The following NCAM2 variants were observed in gnomAD, a reference collection of about 807,000 sequenced individuals.
NCAM2 encodes neural cell adhesion molecule 2, also known as N-CAM-2.
Under a neutral mutation model 98.1 loss-of-function variants are expected in NCAM2, and 30 were observed. The ratio of observed to expected loss-of-function variants is 0.31; its 90% CI spans 0.23 to 0.41. The LOEUF is 0.41. Ranked by LOEUF, NCAM2 falls within the 10% of genes least tolerant of loss-of-function variation. The pLI, the probability that NCAM2 is intolerant of heterozygous loss-of-function variation, is 1.00. For missense variants in NCAM2, 867 were observed against 1,005.8 expected (o/e 0.86, Z 1.87); for synonymous variants, 368 against 342.4 (o/e 1.07, Z -0.83).
intron 5 of NCAM2, among the ~76,000 whole-genome samples, chr21:21,305,607 T>A (rs201581035): frequency 1.9e-4 from 28 of 148,258 alleles, no homozygotes; most frequent in Non-Finnish European, 2.8e-4. Flanking sequence ...GAGTTTTTTT[T>A]ATCAATAATG....
At chr21:21,023,305 C>T (rs1391820026) in intron 1 of NCAM2, among the ~76,000 whole-genome samples, 1 of 152,090 alleles carries the variant, frequency 6.6e-6, no homozygotes, top group African/African-American at 2.4e-5. Flanking sequence ...GGACAGATCA[C>T]TTGAGGTCAG....
At chr21:21,174,367 A>G (rs1569108596) in intron 1 of NCAM2, among the ~76,000 whole-genome samples, 1 of 152,214 alleles carries the variant, frequency 6.6e-6, no homozygotes, top group Admixed American at 6.5e-5. Flanking sequence ...TTCTTTGAAC[A>G]GTATAAGTGT....
chr21:21,267,642 G>A (rs1350055534), intron 1 of NCAM2, among the ~76,000 whole-genome samples: 1 of 152,066 alleles, frequency 6.6e-6, no homozygotes, highest in East Asian at 1.9e-4. Flanking sequence ...CAAATATGGA[G>A]CAATTTTCTT....
chr21:21,487,197 T>C (rs1201816512), intron 15 of NCAM2, among the ~76,000 whole-genome samples: 1 of 152,160 alleles, frequency 6.6e-6, no homozygotes, highest in Non-Finnish European at 1.5e-5. Flanking sequence ...TCTTTTATAT[T>C]ATCTGAACAA....
At chr21:21,099,235 A>T (rs1467401920) in intron 1 of NCAM2, among the ~76,000 whole-genome samples, 2 of 151,920 alleles carry the variant, frequency 1.3e-5, no homozygotes, top group East Asian at 3.9e-4. Flanking sequence ...AATGGTACTG[A>T]GGTTTATACA....
At position 21,370,592 on chromosome 21, in the gene NCAM2, TATTACATAGCTGCG is replaced by T. The variant is rs745975214; in HGVS notation, c.1045-3270_1045-3257del. On this transcript the variant is annotated intron_variant, in intron 8 of 17. Transcript: ENST00000400546. The stretch of plus-strand genomic sequence containing the variant: ...TAGCCCCAGAACCCAGCAAAGTGTC[TATTACATAGCTGCG>T]GTACATACATAGTTCAAACTCATAG... Among the ~76,000 whole-genome samples the T allele has an allele frequency of 4.9e-3, 720 of 146,722 alleles. 8 individuals are homozygous for T. Among genetic ancestry groups the T allele is most frequent in the African/African-American group, 0.016 (675 of 41,158 alleles).
At chr21:21,536,453 G>A (rs1358312626) in intron 17 of NCAM2, among the ~76,000 whole-genome samples, 2 of 149,496 alleles carry the variant, frequency 1.3e-5, no homozygotes, top group South Asian at 2.1e-4. Context: ...GTGCAATGGC[G>A]CAATCTCAGC....
At chr21:21,187,744 T>C (rs921389809) in intron 1 of NCAM2, among the ~76,000 whole-genome samples, 3 of 152,176 alleles carry the variant, frequency 2.0e-5, no homozygotes, top group African/African-American at 7.2e-5. Context: ...GTTTGTATAA[T>C]TGTTATGCCT....
At chr21:21,016,161 C>A (rs1480676158) in intron 1 of NCAM2, among the ~76,000 whole-genome samples, 2 of 152,138 alleles carry the variant, frequency 1.3e-5, no homozygotes, top group Non-Finnish European at 2.9e-5. Context: ...ACATGATTTC[C>A]TTTCCCGAAT....
At chr21:21,318,234 G>T (rs2074275709) in intron 5 of NCAM2, among the ~76,000 whole-genome samples, 1 of 152,116 alleles carries the variant, frequency 6.6e-6, no homozygotes, top group Non-Finnish European at 1.5e-5. Context: ...ATGTTTAGTG[G>T]TGAAATTAAC....
chr21:21,346,208 C>CA (rs57663409), intron 8 of NCAM2, among the ~76,000 whole-genome samples: 52,405 of 112,364 alleles, frequency 0.47, 10,664 homozygotes, highest in Admixed American at 0.54. Context: ...CAACTGAAAC[C>CA]AAAAAAAAAA....
chr21:21,292,291 T>C (rs1466344339), intron 5 of NCAM2, 50 bp downstream of exon 5: 3 of 1,561,596 alleles, frequency 1.9e-6, no homozygotes, highest in Non-Finnish European at 2.6e-6. Context: ...TTTAGCAATG[T>C]TTTTTATTAA....
At chr21:21,106,314 C>CAAAGAAAAAAAAAAAAAAAAAAAAA (rs2066345351) in intron 1 of NCAM2, among the ~76,000 whole-genome samples, 1 of 103,490 alleles carries the variant, frequency 9.7e-6, no homozygotes. Flanking sequence ...GTCTCAAAAG[C>CAAAGAAAAAAAAAAAAAAAAAAAAA]AAAAAAAAAA....
chr21:21,443,843 T>C (rs1159538211), intron 12 of NCAM2, among the ~76,000 whole-genome samples: 1 of 152,158 alleles, frequency 6.6e-6, no homozygotes, highest in East Asian at 1.9e-4. Context: ...TCCCTGGAAG[T>C]AACTGGATTT....
chr21:21,442,044 T>G (rs1979364207), intron 12 of NCAM2, among the ~76,000 whole-genome samples: 1 of 152,162 alleles, frequency 6.6e-6, no homozygotes, highest in Non-Finnish European at 1.5e-5. Context: ...ACATACACAT[T>G]AAAGTTCCAG....
chr21:21,362,951 T>C (rs1173319805), intron 8 of NCAM2, among the ~76,000 whole-genome samples: 5 of 152,136 alleles, frequency 3.3e-5, no homozygotes, highest in African/African-American at 7.2e-5. Context: ...TATATGGATA[T>C]TTGCATTTAA....
At chr21:21,530,735 C>A (rs1408321340) in intron 16 of NCAM2, among the ~76,000 whole-genome samples, 1 of 151,858 alleles carries the variant, frequency 6.6e-6, no homozygotes, top group Non-Finnish European at 1.5e-5. Flanking sequence ...AAGTATTTCT[C>A]TGCTTCTTTA....
At chr21:21,025,611 C>T (rs925045938) in intron 1 of NCAM2, among the ~76,000 whole-genome samples, 1 of 102,334 alleles carries the variant, frequency 9.8e-6, no homozygotes, top group African/African-American at 3.9e-5. Flanking sequence ...TTTTTTGTGT[C>T]CCAGGAATTT....
chr21:21,454,979 C>A (rs1981913172), intron 12 of NCAM2, among the ~76,000 whole-genome samples: 1 of 151,806 alleles, frequency 6.6e-6, no homozygotes. Flanking sequence ...TCTCTAGATA[C>A]AAGGGGAAAT....
Sources: allele counts gnomAD v4.1 joint callset (sites outside exome capture counted in the v4.1 genomes callset), GRCh38; gene constraint gnomAD v4.1.1; transcripts MANE v1.5; gene names NCBI Gene and HGNC (gene_info 2026-07-23, HGNC 2026-07-21).